ARHGEF26: variants seen among roughly 807,000 people sequenced by gnomAD.
ARHGEF26 encodes the protein Rho guanine nucleotide exchange factor (GEF) 26.
Under a neutral mutation model 89.4 loss-of-function variants are expected in ARHGEF26, and 59 were observed. The observed-to-expected ratio is 0.66, with a 90% CI of 0.54 to 0.82. The LOEUF is 0.82. Among genes scored for constraint, ARHGEF26 ranks in the 40% least tolerant of loss-of-function variants. ARHGEF26 has a pLI of 0.00. For missense variants in ARHGEF26, 1,234 were observed against 1,085.6 expected (o/e 1.14, Z -1.92); for synonymous variants, 500 against 428.4 (o/e 1.17, Z -2.06).
intron 11 of ARHGEF26, among the ~76,000 whole-genome samples, chr3:154,236,353 A>C (rs891628761): frequency 6.6e-6 from 1 of 152,218 alleles, no homozygotes; most frequent in Non-Finnish European, 1.5e-5. Flanking sequence ...CAGTTGAAGC[A>C]CCTGATAGGA....
At chr3:154,216,494 T>C (rs59688155) in intron 9 of ARHGEF26, among the ~76,000 whole-genome samples, 1 of 123,012 alleles carries the variant, frequency 8.1e-6, no homozygotes, top group African/African-American at 3.1e-5. Context: ...TTTTTTTTAT[T>C]TTTTTTTATT....
In ARHGEF26 at chr3:154,247,003, G is replaced by A. The variant is rs541513096; in HGVS notation, c.2301-6113G>A. On this transcript the variant is annotated intron_variant, in intron 12 of 14. Transcript: ENST00000465093. The stretch of plus-strand genomic sequence containing the variant: ...ACTTCTTCCTCTGGCACCCTGTTGA[G>A]GCCTCTCCATCAGATTAACAGGCTT... Among the ~76,000 whole-genome samples, 260 of 152,244 alleles carry A rather than the reference G, an allele frequency of 1.7e-3. 2 individuals are homozygous for A. Among genetic ancestry groups the A allele is most frequent in the African/African-American group, 6.0e-3 (250 of 41,544 alleles).
At chr3:154,254,016 T>C (rs542566406) in intron 13 of ARHGEF26, among the ~76,000 whole-genome samples, 19 of 152,298 alleles carry the variant, frequency 1.2e-4, no homozygotes, top group Non-Finnish European at 1.8e-4. Flanking sequence ...CCTGGGTTCA[T>C]ACCATTCTCC....
In ARHGEF26 at chr3:154,122,746, C is replaced by G. The variant is rs907556411; in HGVS notation, c.754C>G (p.Pro252Ala). 13 of 1,612,494 alleles carry G rather than the reference C, an allele frequency of 8.1e-6. No homozygotes were observed. In the African/African-American group the frequency reaches 1.6e-4, roughly 20 times the overall value. The change falls in exon 2 of 15, where the codon CCG (proline) becomes GCG (alanine). Residue 252 changes from proline to alanine, a missense_variant. Transcript: ENST00000465093. The part of the protein sequence containing the change: ...ALKVGKQQII[P>A]KSLASEIKIS... ...CAAAGTGGGGAAGCAGCAGATCATT[C>G]CGAAGAGTCTGGCCTCGGAAATTAA...
intron 4 of ARHGEF26, among the ~76,000 whole-genome samples, chr3:154,134,739 A>G (rs1576686612): frequency 6.6e-6 from 1 of 151,042 alleles, no homozygotes; most frequent in South Asian, 2.1e-4. Context: ...TATTATTTTG[A>G]GGTATTTTCC....
rs76552287 is a variant in ARHGEF26, at chr3:154,184,604, C to T, written c.1488-3081C>T. ...ATCTTCCTTGACTTCCCATCTAATGCGTTTCTTGAGTCTATTAATTTTATC... is the reference window on the plus strand; with the variant it reads ...ATCTTCCTTGACTTCCCATCTAATGTGTTTCTTGAGTCTATTAATTTTATC... On this transcript the variant is annotated intron_variant, in intron 6 of 14. Transcript: ENST00000465093. 2.0e-5 allele frequency among the ~76,000 whole-genome samples: 3 copies of T among 152,144 alleles called. No individual in the cohort carries two copies. In the East Asian group the frequency reaches 5.8e-4, roughly 29 times the overall value.
intron 4 of ARHGEF26, among the ~76,000 whole-genome samples, chr3:154,132,560 C>A (rs1297736106): frequency 2.0e-5 from 3 of 152,116 alleles, no homozygotes; most frequent in East Asian, 1.9e-4. Context: ...AGGACCCTAA[C>A]GAGCGGAGGC....
At chr3:154,194,925 G>A (rs141175022) in intron 9 of ARHGEF26, among the ~76,000 whole-genome samples, 260 of 152,302 alleles carry the variant, frequency 1.7e-3, no homozygotes, top group Middle Eastern at 3.4e-3. Context: ...TGTTTTAAGA[G>A]CCTACAGATA....
At chr3:154,180,141 G>A (rs1713092009) in intron 6 of ARHGEF26, among the ~76,000 whole-genome samples, 2 of 151,988 alleles carry the variant, frequency 1.3e-5, no homozygotes, top group African/African-American at 4.8e-5. Flanking sequence ...TCTCTTATAA[G>A]GACCTCTGTG....
chr3:154,135,378 T>C (rs914423682), intron 4 of ARHGEF26, among the ~76,000 whole-genome samples: 2 of 152,216 alleles, frequency 1.3e-5, no homozygotes, highest in African/African-American at 4.8e-5. Context: ...GTATTCATAA[T>C]GTTTTCTGAT....
At chr3:154,176,358 A>G (rs996077998) in intron 6 of ARHGEF26, among the ~76,000 whole-genome samples, 1 of 152,086 alleles carries the variant, frequency 6.6e-6, no homozygotes, top group African/African-American at 2.4e-5. Flanking sequence ...AAGTTAAGAT[A>G]AACTTTTTTT....
At chr3:154,167,095 C>T (rs1381632551) in intron 6 of ARHGEF26, among the ~76,000 whole-genome samples, 1 of 152,170 alleles carries the variant, frequency 6.6e-6, no homozygotes, top group Non-Finnish European at 1.5e-5. Flanking sequence ...GTTTCTTCTA[C>T]TTAGGAACTT....
At chr3:154,234,188 C>T (rs558483687) in intron 11 of ARHGEF26, among the ~76,000 whole-genome samples, 3 of 152,248 alleles carry the variant, frequency 2.0e-5, no homozygotes, top group South Asian at 2.1e-4. Flanking sequence ...GGCTGAGAGA[C>T]GTGGGTTGTG....
chr3:154,208,758 A>G (rs926154904), intron 9 of ARHGEF26, among the ~76,000 whole-genome samples: 2 of 139,670 alleles, frequency 1.4e-5, no homozygotes, highest in Admixed American at 1.5e-4. Flanking sequence ...CAGTATGCCA[A>G]TTGCATTTTT....
At chr3:154,155,261 G>A (rs1183401580) in intron 6 of ARHGEF26, among the ~76,000 whole-genome samples, 4 of 151,984 alleles carry the variant, frequency 2.6e-5, no homozygotes, top group African/African-American at 7.2e-5. Flanking sequence ...CCTCTATGAT[G>A]TTGGAACAAT....
At chr3:154,170,396 C>T (rs1712351682) in intron 6 of ARHGEF26, among the ~76,000 whole-genome samples, 1 of 152,024 alleles carries the variant, frequency 6.6e-6, no homozygotes, top group Non-Finnish European at 1.5e-5. Flanking sequence ...AACAAACAAA[C>T]CCATGACTTC....
chr3:154,134,331 C>T (rs1453264527), intron 4 of ARHGEF26, among the ~76,000 whole-genome samples: 1 of 152,034 alleles, frequency 6.6e-6, no homozygotes, highest in Non-Finnish European at 1.5e-5. Flanking sequence ...GCTTACAGTC[C>T]CCTGTGTCTG....
intron 6 of ARHGEF26, among the ~76,000 whole-genome samples, chr3:154,185,624 C>T (rs1164459966): frequency 6.6e-6 from 1 of 152,190 alleles, no homozygotes; most frequent in Admixed American, 6.5e-5. Context: ...CATCGACCCT[C>T]CCTAACCCCA....
At chr3:154,226,042 A>G in intron 11 of ARHGEF26, 32 bp downstream of exon 11, 1 of 1,583,408 alleles carries the variant, frequency 6.3e-7, no homozygotes, top group Non-Finnish European at 8.6e-7. Context: ...CTGACTAGAC[A>G]TTCCAGTTTT....
Sources: allele counts gnomAD v4.1 joint callset (sites outside exome capture counted in the v4.1 genomes callset), GRCh38; gene constraint gnomAD v4.1.1; transcripts MANE v1.5; gene names NCBI Gene and HGNC (gene_info 2026-07-23, HGNC 2026-07-21).